RAD51C: variants seen among roughly 807,000 people sequenced by gnomAD.
RAD51C encodes RAD51 paralog C, also known as DNA repair protein RAD51 homolog 3.
Under a neutral mutation model 45.0 loss-of-function variants are expected in RAD51C, and 42 were observed. The observed-to-expected ratio is 0.93, with a 90% CI of 0.73 to 1.21. The LOEUF is 1.21. RAD51C is among the 50% of genes most tolerant of loss of function. The probability of loss-of-function intolerance (pLI) is 0.00; values close to 1 mark genes in which losing one functional copy is unlikely to be tolerated. For synonymous variants in RAD51C, 172 were observed against 159.8 expected (o/e 1.08, Z -0.58); for missense variants, 474 against 452.2 (o/e 1.05, Z -0.44).
Position 58,725,707 on chromosome 17 carries a change from G to A in RAD51C, c.965+1607G>A, listed in dbSNP as rs9907609. The stretch of plus-strand genomic sequence containing the variant: ...CCTTCCCAAGAAATTAGAAACTAAA[G>A]TACATGGCCGGATGCAGTGGCTCAC... On this transcript the variant is annotated intron_variant, in intron 7 of 8. Transcript: ENST00000337432. Among the ~76,000 whole-genome samples, 137 of 152,094 alleles carry A rather than the reference G, an allele frequency of 9.0e-4. 1 individual carries two copies. The highest frequency in any genetic ancestry group is 3.2e-3 in the African/African-American group (134 of 41,524).
intron 4 of RAD51C, among the ~76,000 whole-genome samples, chr17:58,708,306 C>T (rs370223655): frequency 3.9e-5 from 6 of 151,974 alleles, no homozygotes; most frequent in African/African-American, 1.4e-4. Flanking sequence ...CGGAAATTAC[C>T]TTATTTGTGT....
At chr17:58,727,403 C>T (rs1222331105) in intron 7 of RAD51C, among the ~76,000 whole-genome samples, 1 of 152,158 alleles carries the variant, frequency 6.6e-6, no homozygotes, top group African/African-American at 2.4e-5. Context: ...GGATTACAGG[C>T]ATGAGCCACC....
At chr17:58,729,861 G>T (rs908609234) in intron 7 of RAD51C, among the ~76,000 whole-genome samples, 1 of 152,022 alleles carries the variant, frequency 6.6e-6, no homozygotes, top group Non-Finnish European at 1.5e-5. Context: ...ATGAGCCACT[G>T]TGCCCGGCCG....
intron 4 of RAD51C, chr17:58,709,572 T>A (rs1598483660): frequency 3.9e-6 from 1 of 258,594 alleles, no homozygotes; most frequent in East Asian, 9.5e-5. Flanking sequence ...ATGCTATGTT[T>A]TTTTCTATCT....
intron 7 of RAD51C, among the ~76,000 whole-genome samples, chr17:58,730,020 A>G (rs1409381234): frequency 2.0e-5 from 3 of 152,078 alleles, no homozygotes; most frequent in African/African-American, 4.8e-5. Context: ...AGGCTAGCTG[A>G]TTTTCATCAT....
chr17:58,692,855 C>T (rs2143684252), intron 1 of RAD51C, 67 bp downstream of exon 1: 1 of 1,609,952 alleles, frequency 6.2e-7, no homozygotes, highest in South Asian at 1.1e-5. Flanking sequence ...TCTTCGTTCT[C>T]TCGCCTCGGC....
Position 58,696,794 on chromosome 17 carries a change from T to C in RAD51C, c.506T>C (p.Val169Ala), listed in dbSNP as rs587780256. The stretch of plus-strand genomic sequence containing the variant: ...GAGGGAAGTTTTATGGTTGATAGAG[T>C]GGTAGACCTTGCTACTGCCTGCATT... ...DTEGSFMVDRVVDLATACIQH... is the reference protein window; with the variant it reads ...DTEGSFMVDRAVDLATACIQH... Residue 169 changes from valine to alanine, a missense_variant, in exon 3 of 9, where the codon GTG becomes GCG. Physicochemically the swap from Val to Ala is moderately conservative, Grantham distance 64. Coordinates refer to ENST00000337432, the MANE Select transcript of RAD51C (RefSeq NM_058216.3). The C allele has an allele frequency of 2.0e-4, 319 of 1,613,928 alleles. No individual in the cohort carries two copies. The highest frequency in any genetic ancestry group is 2.5e-4 in the Non-Finnish European group (294 of 1,180,016).
chr17:58,727,979 A>T (rs1197648414), intron 7 of RAD51C, among the ~76,000 whole-genome samples: 1 of 151,618 alleles, frequency 6.6e-6, no homozygotes, highest in East Asian at 1.9e-4. Flanking sequence ...GCAGTGGCTG[A>T]CACCTGTAAT....
At chr17:58,714,340 T>C (rs1555600418) in intron 5 of RAD51C, among the ~76,000 whole-genome samples, 1 of 152,146 alleles carries the variant, frequency 6.6e-6, no homozygotes, top group Non-Finnish European at 1.5e-5. Context: ...TTTTTGAACA[T>C]TTTGTTTTAT....
intron 7 of RAD51C, among the ~76,000 whole-genome samples, chr17:58,728,916 C>G (rs1256322916): frequency 1.3e-5 from 2 of 152,050 alleles, no homozygotes; most frequent in Non-Finnish European, 2.9e-5. Context: ...TATATGAGGC[C>G]AAGATTATTC....
At chr17:58,727,948 A>AG (rs1415598694) in intron 7 of RAD51C, among the ~76,000 whole-genome samples, 2 of 151,764 alleles carry the variant, frequency 1.3e-5, no homozygotes, top group African/African-American at 4.8e-5. Context: ...AAAAAAAAAA[A>AG]AAAGTTACAT....
At chr17:58,704,167 T>C (rs1003773112) in intron 4 of RAD51C, among the ~76,000 whole-genome samples, 2 of 152,096 alleles carry the variant, frequency 1.3e-5, no homozygotes, top group Non-Finnish European at 2.9e-5. Flanking sequence ...TGCTGTCAGT[T>C]CAGAGAGATT....
intron 4 of RAD51C, among the ~76,000 whole-genome samples, chr17:58,707,850 C>A (rs1446173416): frequency 6.6e-6 from 1 of 152,168 alleles, no homozygotes; most frequent in Non-Finnish European, 1.5e-5. Flanking sequence ...TGAGAGCTCT[C>A]TCCCTGGCAT....
chr17:58,714,237 G>A (rs1347873215), intron 5 of RAD51C, among the ~76,000 whole-genome samples: 1 of 151,850 alleles, frequency 6.6e-6, no homozygotes, highest in Non-Finnish European at 1.5e-5. Context: ...GACCCTCCTC[G>A]GCCTCCCAAA....
intron 3 of RAD51C, among the ~76,000 whole-genome samples, chr17:58,702,087 C>A (rs2048230478): frequency 6.6e-6 from 1 of 151,776 alleles, no homozygotes; most frequent in Admixed American, 6.6e-5. Context: ...CCTTGACCTC[C>A]CAGGCTCAAG....
At chr17:58,726,625 TAC>T (rs1475288224) in intron 7 of RAD51C, among the ~76,000 whole-genome samples, 4 of 145,712 alleles carry the variant, frequency 2.7e-5, no homozygotes, top group African/African-American at 1.1e-4. Flanking sequence ...TATATGTGTA[TAC>T]GTATAGATGT....
intron 5 of RAD51C, among the ~76,000 whole-genome samples, chr17:58,715,466 A>C (rs1277150873): frequency 2.0e-5 from 3 of 151,866 alleles, no homozygotes; most frequent in Non-Finnish European, 2.9e-5. Context: ...AAAAAAAAAA[A>C]AAAAAAAAAC....
At chr17:58,711,675 A>C (rs1013100488) in intron 5 of RAD51C, among the ~76,000 whole-genome samples, 2 of 151,272 alleles carry the variant, frequency 1.3e-5, no homozygotes, top group Admixed American at 6.6e-5. Context: ...CATGTTGCCC[A>C]GCTGGTCAGA....
At chr17:58,710,786 GA>G (rs1356412546) in intron 5 of RAD51C, among the ~76,000 whole-genome samples, 4 of 151,966 alleles carry the variant, frequency 2.6e-5, no homozygotes, top group South Asian at 2.1e-4. Context: ...GAAGGGAAGA[GA>G]TTTTTTTTTT....
Sources: gnomAD v4.1 joint callset for allele counts (sites outside exome capture counted in the v4.1 genomes callset) on GRCh38, gnomAD v4.1.1 for gene constraint, MANE v1.5 for transcripts, NCBI Gene and HGNC (gene_info 2026-07-23, HGNC 2026-07-21) for gene names.